The following DNAH11 variants were observed in gnomAD, a reference collection of about 807,000 sequenced individuals.
The protein encoded by DNAH11 is dynein axonemal heavy chain 11.
A neutral mutation model predicts 526.0 loss-of-function variants in DNAH11; 442 were observed. The observed-to-expected ratio is 0.84, with a 90% CI of 0.78 to 0.91. The LOEUF is 0.91. DNAH11 is among the 40% of genes least tolerant of loss of function. The pLI, the probability that DNAH11 is intolerant of heterozygous loss-of-function variation, is 0.00. For missense variants in DNAH11, 6,989 were observed against 5,448.7 expected (o/e 1.28, Z -8.90); for synonymous variants, 2,461 against 1,935.9 (o/e 1.27, Z -7.12).
rs1789883519 is a variant in DNAH11, at chr7:21,818,076, A to G, written c.10569-141A>G. 7 of 711,930 alleles carry G rather than the reference A, an allele frequency of 9.8e-6. No homozygotes were observed. In the South Asian group the frequency reaches 1.5e-4, roughly 15 times the overall value. The allele number at this position is 711,930 out of a possible 1,614,324, so 44.1% of individuals were successfully genotyped here. On this transcript the variant is annotated intron_variant, in intron 64 of 81. Transcript: ENST00000409508. ...ATTTCTGTGTAATCTAGTGGAAGGG[A>G]ACTACTACTTTATAAAATAGTTTTC...
intron 65 of DNAH11, among the ~76,000 whole-genome samples, chr7:21,836,442 A>C (rs946982737): frequency 2.0e-5 from 3 of 152,068 alleles, no homozygotes; most frequent in Non-Finnish European, 2.9e-5. Flanking sequence ...CAGAAATCAC[A>C]CACTTATAGT....
intron 79 of DNAH11, among the ~76,000 whole-genome samples, chr7:21,897,538 C>T (rs12700324): frequency 0.2 from 30,045 of 152,154 alleles, 3,563 homozygotes; most frequent in Non-Finnish European, 0.27. Context: ...TGATTACTCT[C>T]TACCAAATTT....
intron 64 of DNAH11, among the ~76,000 whole-genome samples, chr7:21,817,259 C>T (rs1167283139): frequency 6.6e-6 from 1 of 152,028 alleles, no homozygotes; most frequent in African/African-American, 2.4e-5. Context: ...AGAAAGCTGT[C>T]TTGTATGCAG....
At chr7:21,854,488 C>A in intron 68 of DNAH11, 33 bp downstream of exon 68, 2 of 1,592,656 alleles carry the variant, frequency 1.3e-6, no homozygotes, top group Non-Finnish European at 1.7e-6. Context: ...ATATGGGAAA[C>A]TTTAGGAGTT....
chr7:21,659,613 G>A (rs1332064060), intron 30 of DNAH11, among the ~76,000 whole-genome samples: 1 of 152,026 alleles, frequency 6.6e-6, no homozygotes, highest in Non-Finnish European at 1.5e-5. Context: ...GGCTTGAAAA[G>A]GAGTTTAAGT....
chr7:21,549,665 T>TA (rs1782946136), intron 2 of DNAH11, among the ~76,000 whole-genome samples: 1 of 152,162 alleles, frequency 6.6e-6, no homozygotes, highest in South Asian at 2.1e-4. Context: ...TTCTGGCAGT[T>TA]ACTTGGTGGG....
intron 42 of DNAH11, among the ~76,000 whole-genome samples, chr7:21,715,469 T>A (rs1210578011): frequency 6.6e-6 from 1 of 152,210 alleles, no homozygotes; most frequent in African/African-American, 2.4e-5. Flanking sequence ...AATGTAGCCA[T>A]TTCCTGAGGT....
At chr7:21,751,618 C>T (rs1372418652) in intron 54 of DNAH11, among the ~76,000 whole-genome samples, 1 of 152,152 alleles carries the variant, frequency 6.6e-6, no homozygotes, top group East Asian at 1.9e-4. Flanking sequence ...GCTGCGGCGG[C>T]TATAGAGCTG....
At chr7:21,840,348 A>T (rs1782158019) in intron 65 of DNAH11, among the ~76,000 whole-genome samples, 1 of 152,242 alleles carries the variant, frequency 6.6e-6, no homozygotes, top group African/African-American at 2.4e-5. Flanking sequence ...ATGGCTATTT[A>T]AAATAATTTC....
chr7:21,569,231 T>C (rs1783784878), intron 6 of DNAH11, among the ~76,000 whole-genome samples: 1 of 152,126 alleles, frequency 6.6e-6, no homozygotes, highest in African/African-American at 2.4e-5. Flanking sequence ...TCCATTGACA[T>C]CTTGAACAAC....
At chr7:21,671,991 C>G (rs1782658847) in intron 30 of DNAH11, among the ~76,000 whole-genome samples, 1 of 152,256 alleles carries the variant, frequency 6.6e-6, no homozygotes, top group Non-Finnish European at 1.5e-5. Flanking sequence ...AAGAGGACAA[C>G]AAACTGAGAT....
rs982754437 is a variant in DNAH11, at chr7:21,748,865, A to G, written c.8673+123A>G. On this transcript the variant is annotated intron_variant, in intron 52 of 81. Coordinates refer to ENST00000409508, the MANE Select transcript of DNAH11 (RefSeq NM_001277115.2). Reference sequence around the variant, plus strand: ...GCCAAGGCCTCCCCAACCACGGGAGAGCGGGAGCTCTTTAAAGCAGTAATT... The same window carrying G: ...GCCAAGGCCTCCCCAACCACGGGAGGGCGGGAGCTCTTTAAAGCAGTAATT... The G allele has an allele frequency of 5.1e-5, 50 of 977,264 alleles. No homozygotes were observed. In the African/African-American group the frequency reaches 6.7e-4, roughly 13 times the overall value. 60.5% of individuals were successfully genotyped at this position (977,264 alleles called of 1,614,324 possible). A position where few individuals can be genotyped will look rare whatever the true frequency, so the allele number is the denominator to read the frequency against.
Position 21,619,185 on chromosome 7 carries a change from T to C in DNAH11, c.4340T>C (p.Ile1447Thr). The C allele has an allele frequency of 1.2e-6, 2 of 1,613,498 alleles. No homozygotes were observed. Among genetic ancestry groups the C allele is most frequent in the Non-Finnish European group, 1.7e-6 (2 of 1,179,650 alleles). The part of the protein sequence containing the change: ...LHRVEDDVRR[I>T]VDKAVKELGT... ...AGAGTGGAAGATGATGTCCGAAGGATTGTGGACAAGGCGGTGAAAGAGCTG... is the reference window on the plus strand; with the variant it reads ...AGAGTGGAAGATGATGTCCGAAGGACTGTGGACAAGGCGGTGAAAGAGCTG... Residue 1447 changes from isoleucine (I) to threonine (T), a missense_variant, in exon 24 of 82, where the codon ATT becomes ACT. Physicochemically the swap from Ile to Thr is moderately conservative, Grantham distance 89. Transcript: ENST00000409508.
At chr7:21,709,565 T>C (rs1389997478) in intron 40 of DNAH11, among the ~76,000 whole-genome samples, 1 of 152,198 alleles carries the variant, frequency 6.6e-6, no homozygotes, top group East Asian at 1.9e-4. Flanking sequence ...GTGTATCATC[T>C]GAACCTAAAA....
At chr7:21,645,060 A>G (rs1353165812) in intron 28 of DNAH11, among the ~76,000 whole-genome samples, 2 of 152,240 alleles carry the variant, frequency 1.3e-5, no homozygotes, top group Admixed American at 6.5e-5. Flanking sequence ...TAGCCAATGT[A>G]TAAGTTGTAC....
chr7:21,800,156 C>G (rs954907803), intron 61 of DNAH11, among the ~76,000 whole-genome samples: 12 of 152,194 alleles, frequency 7.9e-5, no homozygotes, highest in Admixed American at 2.6e-4. Context: ...TCTCATCTTG[C>G]TTCTCTTTTA....
chr7:21,894,635 T>G lies in DNAH11; in HGVS notation c.12763T>G (p.Leu4255Val). 1 of 1,613,554 alleles carries G rather than the reference T, an allele frequency of 6.2e-7. No homozygotes were observed. Among genetic ancestry groups the G allele is most frequent in the Non-Finnish European group, 8.5e-7 (1 of 1,179,798 alleles). ...QSTEEKVKNV[L>V]DDILEKLPEE... ...TTACTGATTTAAGGTTAAGAATGTCTTGGATGACATTTTGGAGAAACTTCC... is the reference window on the plus strand; with the variant it reads ...TTACTGATTTAAGGTTAAGAATGTCGTGGATGACATTTTGGAGAAACTTCC... The change falls in exon 78 of 82, where the codon TTG (leucine) becomes GTG (valine). Residue 4255 changes from leucine (L) to valine (V), a missense_variant. Transcript: ENST00000409508.
intron 14 of DNAH11, among the ~76,000 whole-genome samples, chr7:21,594,057 C>CACACAT (rs1784785357): frequency 7.9e-6 from 1 of 126,524 alleles, no homozygotes; most frequent in Non-Finnish European, 1.7e-5. Flanking sequence ...CTCTTTCATA[C>CACACAT]ACACATACAC....
Position 21,545,026 on chromosome 7 carries a change from T to C in DNAH11, c.372T>C (p.His124=). ...TTTAGATTCCAAGAGATGCAAACCA[T>C]AAACTTGTTTTTATTTCCAAGAAGA... ...ASQEIPRDAN[H]KLVFISKKIT... The change falls in exon 2 of 82, where the codon CAT becomes CAC. Residue 124 remains histidine (H), a synonymous_variant. Transcript: ENST00000409508. 6.3e-7 allele frequency: 1 copy of C among 1,592,446 alleles called. No homozygotes were observed. The highest frequency in any genetic ancestry group is 8.6e-7 in the Non-Finnish European group (1 of 1,168,958).
Sources: allele counts gnomAD v4.1 joint callset (sites outside exome capture counted in the v4.1 genomes callset), GRCh38; gene constraint gnomAD v4.1.1; transcripts MANE v1.5; gene names NCBI Gene and HGNC (gene_info 2026-07-23, HGNC 2026-07-21).